Variants in CCDC171 observed in about 807,000 individuals in gnomAD.
CCDC171 encodes coiled-coil domain containing 171, also known as coiled-coil domain-containing protein 171.
A neutral mutation model predicts 168.2 loss-of-function variants in CCDC171; 177 were observed. That is an observed-to-expected ratio of 1.05 (90% CI 0.93 to 1.19). The LOEUF (loss-of-function observed/expected upper bound fraction) is 1.19, where lower values mean the gene tolerates loss of function less well. Ranked by LOEUF, CCDC171 falls within the 50% of genes most tolerant of loss-of-function variation. The pLI is 0.00. For missense variants in CCDC171, 1,991 were observed against 1,539.0 expected (o/e 1.29, Z -4.91); for synonymous variants, 687 against 540.8 (o/e 1.27, Z -3.75).
At chr9:16,089,872 A>T in the CCDC171 span, among the ~76,000 whole-genome samples, 1 of 152,216 alleles carries the variant, frequency 6.6e-6, no homozygotes, top group South Asian at 2.1e-4. Context: ...CCACAATGAG[A>T]TATCATCCCA....
intron 7 of CCDC171, among the ~76,000 whole-genome samples, chr9:15,631,312 A>C (rs1003679860): frequency 1.3e-5 from 2 of 152,142 alleles, no homozygotes; most frequent in Non-Finnish European, 2.9e-5. Context: ...AGAATCAAAT[A>C]GATGCAAGAA....
intron 7 of CCDC171, among the ~76,000 whole-genome samples, chr9:15,631,269 AG>A (rs2045667906): frequency 1.3e-5 from 2 of 150,880 alleles, no homozygotes; most frequent in Admixed American, 6.6e-5. Flanking sequence ...ATTGATAGAC[AG>A]CTAGCAAGAC....
At chr9:16,094,766 G>A in the CCDC171 span, among the ~76,000 whole-genome samples, 134 of 152,328 alleles carry the variant, frequency 8.8e-4, 1 homozygote, top group East Asian at 0.024. Context: ...ATCAGAAAGT[G>A]TTAATAAGGA....
intron 24 of CCDC171, among the ~76,000 whole-genome samples, chr9:15,901,122 G>C (rs1821585993): frequency 6.6e-6 from 1 of 152,018 alleles, no homozygotes; most frequent in African/African-American, 2.4e-5. Flanking sequence ...GGTTTTAAGA[G>C]AAACATTAAA....
rs149809729 is a variant in CCDC171 at position 15,989,094 on chromosome 9, A to G, written n.369-31495A>G. On this transcript the variant is annotated intron_variant and non_coding_transcript_variant, in intron 3 of 9. Coordinates refer to the CCDC171 transcript ENST00000486641. ...TGAAGAGAGTAGTGGTTCTCCCAGC[A>G]TGGAGTTTGAGATCTGAGAATGGAC... is the stretch of plus-strand genomic sequence containing the variant. Among the ~76,000 whole-genome samples the G allele has an allele frequency of 9.2e-3, 1,398 of 152,268 alleles. 21 individuals are homozygous for G. The highest frequency in any genetic ancestry group is 0.037 in the Admixed American group (570 of 15,306).
At chr9:16,058,597 G>T (rs565363343) in intron 1 of CCDC171, among the ~76,000 whole-genome samples, 1 of 152,170 alleles carries the variant, frequency 6.6e-6, no homozygotes, top group African/African-American at 2.4e-5. Flanking sequence ...AGGAGTTACC[G>T]ATTCAGAAAC....
intron 24 of CCDC171, among the ~76,000 whole-genome samples, chr9:15,906,886 A>C (rs932473870): frequency 5.9e-5 from 9 of 152,072 alleles, no homozygotes; most frequent in African/African-American, 2.2e-4. Flanking sequence ...ATAACAGACA[A>C]GCAGACATCC....
chr9:16,057,711 C>T (rs1385248409), intron 1 of CCDC171, among the ~76,000 whole-genome samples: 1 of 152,170 alleles, frequency 6.6e-6, no homozygotes, highest in Non-Finnish European at 1.5e-5. Flanking sequence ...AGCCCTGTTG[C>T]CAGACCGGGA....
intron 21 of CCDC171, among the ~76,000 whole-genome samples, chr9:15,832,981 C>CTTT (rs71325937): frequency 2.4e-4 from 17 of 69,398 alleles, no homozygotes; most frequent in African/African-American, 4.5e-4. Context: ...TCATTATAAT[C>CTTT]TTTTTTTTTT....
rs116581232 is a variant in CCDC171 at position 15,809,383 on chromosome 9, G to A, written c.3267+24689G>A. ...AAATTCAATTCCTCAGTCTCACTGT[G>A]TCTGAAATTGGTGGGTTCCTGGTCT... On this transcript the variant is annotated intron_variant, in intron 21 of 25. Transcript: ENST00000380701. 7.1e-3 allele frequency among the ~76,000 whole-genome samples: 1,077 copies of A among 152,314 alleles called. 9 individuals are homozygous for A. The highest frequency in any genetic ancestry group is 0.025 in the African/African-American group (1,023 of 41,558).
chr9:15,756,858 C>G lies in CCDC171; in HGVS notation c.2671+11227C>G, dbSNP rs191868582. Among the ~76,000 whole-genome samples, 7 of 152,294 alleles carry G rather than the reference C, an allele frequency of 4.6e-5. No homozygotes were observed. The East Asian group carries it at 1.4e-3, about 29-fold the overall frequency. On this transcript the variant is annotated intron_variant, in intron 18 of 25. Transcript: ENST00000380701. ...GATCTGATGGTTTGATAAGGGGAAA[C>G]ACATTCTGCTTCATTCTCCTTCTCT...
chr9:15,718,007 G>A lies in CCDC171; in HGVS notation c.1319-3762G>A, dbSNP rs2053204568. On this transcript the variant is annotated intron_variant, in intron 11 of 25. Transcript: ENST00000380701. ...GCAGCTAAGTTAGCTTGGCCACAGG[G>A]TGGTAGAGCACCAAGTGGGTTCTTG... Among the ~76,000 whole-genome samples the A allele has an allele frequency of 3.7e-5, 4 of 108,706 alleles. No homozygotes were observed. In the South Asian group the frequency reaches 1.1e-3, roughly 30 times the overall value. 71.3% of individuals were successfully genotyped at this position (108,706 alleles called of 152,430 possible). A position where few individuals can be genotyped will look rare whatever the true frequency, so the allele number is the denominator to read the frequency against.
intron 9 of CCDC171, among the ~76,000 whole-genome samples, chr9:15,677,755 A>G (rs2049693585): frequency 1.4e-5 from 2 of 147,620 alleles, no homozygotes; most frequent in Non-Finnish European, 1.5e-5. Context: ...GTGTGTATTT[A>G]TATACCTATA....
intron 3 of CCDC171, among the ~76,000 whole-genome samples, chr9:15,993,288 C>G (rs966717137): frequency 6.6e-6 from 1 of 152,084 alleles, no homozygotes; most frequent in Non-Finnish European, 1.5e-5. Context: ...AGAAATAATA[C>G]CACACATCTA....
intron 25 of CCDC171, among the ~76,000 whole-genome samples, chr9:15,927,443 T>C (rs1458643896): frequency 1.3e-5 from 2 of 151,660 alleles, no homozygotes; most frequent in Admixed American, 1.3e-4. Flanking sequence ...TCTTGAAACA[T>C]AGAATGCCAA....
rs567842370 is a variant in CCDC171, at chr9:16,001,441, A to G, written n.369-19148A>G. Among the ~76,000 whole-genome samples, 111 of 152,040 alleles carry G rather than the reference A, an allele frequency of 7.3e-4. No homozygotes were observed. In the Middle Eastern group the frequency reaches 0.014, roughly 19 times the overall value. The stretch of plus-strand genomic sequence containing the variant: ...GTAGAGAGAGTTTTCTCATATATGC[A>G]TATAAGTATTTACGGTAGGGTGTGT... On this transcript the variant is annotated intron_variant and non_coding_transcript_variant, in intron 3 of 9. Transcript: ENST00000486641.
chr9:16,014,952 A>C (rs376003438), intron 3 of CCDC171, among the ~76,000 whole-genome samples: 1 of 152,160 alleles, frequency 6.6e-6, no homozygotes, highest in Non-Finnish European at 1.5e-5. Flanking sequence ...ATTAGCCGCT[A>C]ACAAGAGTGT....
At position 15,594,173 on chromosome 9, in the gene CCDC171, G is replaced by T. The variant is rs776561635; in HGVS notation, c.675+1G>T. The T allele has an allele frequency of 1.5e-6, 2 of 1,358,790 alleles. No individual in the cohort carries two copies. The highest frequency in any genetic ancestry group is 1.3e-5 in the South Asian group (1 of 76,418). The allele number at this position is 1,358,790 out of a possible 1,614,324, so 84.2% of individuals were successfully genotyped here. ...AAGAGAATTACAATTTATAGTACAG[G>T]TATTTTAAAAATAATCAGTTCCTTA... On this transcript the variant is annotated splice_donor_variant, in intron 6 of 25. Transcript: ENST00000380701. LOFTEE classifies it high-confidence loss of function.
intron 16 of CCDC171, among the ~76,000 whole-genome samples, chr9:15,736,387 A>G (rs757179673): frequency 6.6e-6 from 1 of 151,830 alleles, no homozygotes; most frequent in Non-Finnish European, 1.5e-5. Context: ...ACCTCACTAC[A>G]TTGCCTAGAC....
Sources: gnomAD v4.1 joint callset for allele counts (sites outside exome capture counted in the v4.1 genomes callset) on GRCh38, gnomAD v4.1.1 for gene constraint, MANE v1.5 for transcripts, NCBI Gene and HGNC (gene_info 2026-07-23, HGNC 2026-07-21) for gene names.